The following ZNF385D variants were observed in gnomAD, a reference collection of about 807,000 sequenced individuals.
ZNF385D encodes zinc finger protein 385D.
A neutral mutation model predicts 35.8 loss-of-function variants in ZNF385D; 15 were observed. The observed-to-expected ratio is 0.42, with a 90% confidence interval of 0.28 to 0.64. The LOEUF is 0.64. Ranked by LOEUF, ZNF385D falls within the 30% of genes least tolerant of loss-of-function variation. The pLI is 0.23. For missense variants in ZNF385D, 474 were observed against 494.6 expected (o/e 0.96, Z 0.39); for synonymous variants, 212 against 186.8 (o/e 1.13, Z -1.10).
At chr3:22,218,899 TAAA>T (rs1344866413) in intron 2 of ZNF385D, among the ~76,000 whole-genome samples, 2 of 152,104 alleles carry the variant, frequency 1.3e-5, no homozygotes, top group Non-Finnish European at 2.9e-5. Flanking sequence ...CTTTTTTCAT[TAAA>T]AAATACATTT....
rs908326442 is a variant in ZNF385D, at chr3:21,633,686, T to C, written c.165+31200A>G. Among the ~76,000 whole-genome samples, 3 of 152,122 alleles carry C rather than the reference T, an allele frequency of 2.0e-5. 1 individual carries two copies. The highest frequency in any genetic ancestry group is 2.0e-4 in the Admixed American group (3 of 15,252). ...GCAATCAATAAATTCATTATGATTC[T>C]CAAAGGTGGATGTTTTAGCATTGTA... On this transcript the variant is annotated intron_variant, in intron 2 of 7. Transcript: ENST00000281523.
At chr3:21,912,544 T>A (rs1273172556) in intron 3 of ZNF385D, among the ~76,000 whole-genome samples, 1 of 152,002 alleles carries the variant, frequency 6.6e-6, no homozygotes, top group Non-Finnish European at 1.5e-5. Context: ...CCAGGCATTG[T>A]GTGCCATTCG....
intron 3 of ZNF385D, among the ~76,000 whole-genome samples, chr3:21,530,042 T>TA (rs1278650837): frequency 2.0e-5 from 3 of 152,044 alleles, no homozygotes; most frequent in African/African-American, 7.2e-5. Context: ...GGTGACTTAT[T>TA]ACTCTATTAG....
chr3:22,168,777 G>C, intron 3 of ZNF385D: 2 of 970,430 alleles, frequency 2.1e-6, no homozygotes, highest in Non-Finnish European at 2.5e-6. Flanking sequence ...AACTTAAATT[G>C]ATGATGTAAA....
At chr3:21,558,852 T>C (rs1341833446) in intron 3 of ZNF385D, among the ~76,000 whole-genome samples, 1 of 152,182 alleles carries the variant, frequency 6.6e-6, no homozygotes, top group Non-Finnish European at 1.5e-5. Flanking sequence ...ATAATTCGGA[T>C]AGTTAGCATA....
chr3:22,299,464 GA>G (rs1262426293), intron 2 of ZNF385D, among the ~76,000 whole-genome samples: 1 of 151,262 alleles, frequency 6.6e-6, no homozygotes, highest in Non-Finnish European at 1.5e-5. Context: ...ATCATAATTT[GA>G]AAAAAAGAAA....
At chr3:21,535,885 A>G (rs1362698079) in intron 3 of ZNF385D, among the ~76,000 whole-genome samples, 1 of 152,004 alleles carries the variant, frequency 6.6e-6, no homozygotes, top group Non-Finnish European at 1.5e-5. Context: ...AGTCACCCTG[A>G]GTTTTCTTAA....
intron 3 of ZNF385D, among the ~76,000 whole-genome samples, chr3:21,833,240 C>T (rs1414815770): frequency 6.6e-6 from 1 of 152,098 alleles, no homozygotes; most frequent in Admixed American, 6.6e-5. Context: ...TGAAAGTTGG[C>T]CCCAAAGTTA....
intron 1 of ZNF385D, among the ~76,000 whole-genome samples, chr3:21,711,218 T>A (rs1034992682): frequency 6.6e-6 from 1 of 151,720 alleles, no homozygotes; most frequent in Non-Finnish European, 1.5e-5. Flanking sequence ...ATTTTTGGTA[T>A]TTTTAGTAGA....
intron 2 of ZNF385D, among the ~76,000 whole-genome samples, chr3:22,282,419 G>A (rs9821152): frequency 0.056 from 8,511 of 152,020 alleles, 599 homozygotes; most frequent in African/African-American, 0.16. Context: ...TAGAGGTTTT[G>A]ATAGGTTGTG....
chr3:21,696,429 G>A (rs770428753), intron 1 of ZNF385D, among the ~76,000 whole-genome samples: 1 of 152,086 alleles, frequency 6.6e-6, no homozygotes, highest in Non-Finnish European at 1.5e-5. Flanking sequence ...TACAAATATT[G>A]GTTGTTATTA....
At chr3:22,208,094 A>C (rs1194165874) in intron 2 of ZNF385D, among the ~76,000 whole-genome samples, 1 of 152,008 alleles carries the variant, frequency 6.6e-6, no homozygotes, top group Non-Finnish European at 1.5e-5. Context: ...ACACAAAAGA[A>C]AAGAAATCAG....
chr3:21,943,565 AAG>A (rs10539978), intron 3 of ZNF385D, among the ~76,000 whole-genome samples: 9,053 of 152,028 alleles, frequency 0.06, 426 homozygotes, highest in African/African-American at 0.12. Flanking sequence ...TAAATTATAA[AAG>A]AAAAATAGCA....
intron 3 of ZNF385D, among the ~76,000 whole-genome samples, chr3:22,104,508 G>A (rs1702106412): frequency 6.6e-6 from 1 of 151,938 alleles, no homozygotes; most frequent in African/African-American, 2.4e-5. Flanking sequence ...GTTTCATTCA[G>A]TATTTTACAA....
intron 3 of ZNF385D, among the ~76,000 whole-genome samples, chr3:21,528,945 T>C (rs1211823716): frequency 6.6e-6 from 1 of 152,132 alleles, no homozygotes; most frequent in Non-Finnish European, 1.5e-5. Flanking sequence ...AAAAGAAGAA[T>C]ATAACATATA....
intron 3 of ZNF385D, among the ~76,000 whole-genome samples, chr3:22,084,176 A>T (rs1470660559): frequency 6.6e-6 from 1 of 152,224 alleles, no homozygotes; most frequent in African/African-American, 2.4e-5. Flanking sequence ...TGCATCAACT[A>T]ACGGGCAAAA....
intron 3 of ZNF385D, among the ~76,000 whole-genome samples, chr3:21,877,393 C>G (rs1241488348): frequency 6.6e-6 from 1 of 152,070 alleles, no homozygotes; most frequent in East Asian, 1.9e-4. Context: ...GACCCATTCT[C>G]TGAGACTGTG....
intron 3 of ZNF385D, among the ~76,000 whole-genome samples, chr3:22,021,598 C>G (rs1442496589): frequency 6.6e-6 from 1 of 152,060 alleles, no homozygotes; most frequent in Non-Finnish European, 1.5e-5. Context: ...TGAGATAACA[C>G]AGGTAGTGTT....
At chr3:21,948,509 T>A (rs1701903978) in intron 3 of ZNF385D, among the ~76,000 whole-genome samples, 1 of 152,152 alleles carries the variant, frequency 6.6e-6, no homozygotes, top group African/African-American at 2.4e-5. Context: ...GTTTTGGACA[T>A]ATAGTCACAT....
Sources: gnomAD v4.1 joint callset for allele counts (sites outside exome capture counted in the v4.1 genomes callset) on GRCh38, gnomAD v4.1.1 for gene constraint, MANE v1.5 for transcripts, NCBI Gene and HGNC (gene_info 2026-07-23, HGNC 2026-07-21) for gene names.